The following TIMM44 variants were observed in gnomAD, a reference collection of about 807,000 sequenced individuals.
The protein encoded by TIMM44 is translocase of inner mitochondrial membrane 44.
In TIMM44, 37 loss-of-function variants were observed where a neutral mutation model predicts 63.8. The observed-to-expected ratio is 0.58, with a 90% confidence interval of 0.45 to 0.76. The LOEUF (loss-of-function observed/expected upper bound fraction) is 0.76. TIMM44 is among the 30% of genes least tolerant of loss of function. TIMM44 has a pLI of 0.00. For missense variants in TIMM44, 573 were observed against 603.8 expected (o/e 0.95, Z 0.54); for synonymous variants, 239 against 245.1 (o/e 0.98, Z 0.23).
chr19:7,931,071 T>G, intron 10 of TIMM44, 67 bp downstream of exon 10: 2 of 1,508,978 alleles, frequency 1.3e-6, no homozygotes, highest in Non-Finnish European at 1.8e-6. Flanking sequence ...GCCACCGAAG[T>G]GGAACTTCTC....
chr19:7,927,414 G>A (rs1156557774), intron 12 of TIMM44, 108 bp from the exon 13 acceptor site: 6 of 1,399,632 alleles, frequency 4.3e-6, no homozygotes, highest in Non-Finnish European at 6.0e-6. Flanking sequence ...ACTTCCCCAG[G>A]GGCTGGGAGC....
rs1442953330 is a variant in TIMM44 at position 7,927,231 on chromosome 19, G to A, written c.1315C>T (p.Arg439Trp). ...QDELNPYAAW[R>W]LLDISASSTE... ...CTGGAGGCCGAGATGTCCAGGAGCCGCCAGGCCGCGTAGGGGTTGAGCTCG... is the reference window on the plus strand; with the variant it reads ...CTGGAGGCCGAGATGTCCAGGAGCCACCAGGCCGCGTAGGGGTTGAGCTCG... Residue 439 changes from arginine (R) to tryptophan (W), a missense_variant, in exon 13 of 13, where the codon CGG becomes TGG. Arg to Trp is a moderately radical substitution (Grantham distance 101). Coordinates refer to ENST00000270538, the MANE Select transcript of TIMM44 (RefSeq NM_006351.4). 3 of 1,612,002 alleles carry A rather than the reference G, an allele frequency of 1.9e-6. No homozygotes were observed. Among genetic ancestry groups the A allele is most frequent in the South Asian group, 1.1e-5 (1 of 91,066 alleles).
At position 7,928,082 on chromosome 19, in the gene TIMM44, C is replaced by T. The variant is rs1013292791; in HGVS notation, c.1123G>A (p.Val375Ile). The change falls in exon 11 of 13, where the codon GTC becomes ATC. Residue 375 changes from valine to isoleucine, a missense_variant. Physicochemically the swap from Val to Ile is conservative, Grantham distance 29. Transcript: ENST00000270538. ...CCCCACTGCGAGGTGCTTACGTCGA[C>T]GTTGTCAATGTCTAGGATGCGAGAA... ...FHSRILDIDN[V>I]DLAMGKMMEQ... is the part of the protein sequence containing the mutation. 33 of 1,613,700 alleles carry T rather than the reference C, an allele frequency of 2.0e-5. No individual in the cohort carries two copies. The highest frequency in any genetic ancestry group is 2.5e-5 in the Non-Finnish European group (30 of 1,179,848).
In TIMM44 at chr19:7,934,076, G is replaced by A; in HGVS notation, c.543+13C>T. On this transcript the variant is annotated intron_variant, in intron 5 of 12. Transcript: ENST00000270538. This position sits in a 1 kb window ranked among gnomAD's most constrained non-coding sequence, Gnocchi z 5.3. ...GCCCCAGGCTGCATGCCCTAGCCCA[G>A]GACTGGGCTCACCTGGGAGAGGGCT... The A allele has an allele frequency of 6.2e-7, 1 of 1,613,346 alleles. No individual in the cohort carries two copies.
intron 9 of TIMM44, 59 bp downstream of exon 9, chr19:7,932,568 G>A (rs199513435): frequency 2.3e-5 from 36 of 1,595,782 alleles, no homozygotes; most frequent in African/African-American, 4.0e-5. Flanking sequence ...GCTGCGGCGG[G>A]GGAGGTGGTG....
chr19:7,932,608 C>T lies in TIMM44; in HGVS notation c.987+19G>A. 1.2e-6 allele frequency: 2 copies of T among 1,612,336 alleles called. No homozygotes were observed. Among genetic ancestry groups the T allele is most frequent in the Non-Finnish European group, 1.7e-6 (2 of 1,179,942 alleles). ...CAGGACCTGCCGCCTGGGAGGGGTC[C>T]TGGGGGTGTGGCACCCACCTCCAGG... On this transcript the variant is annotated intron_variant, in intron 9 of 12. Coordinates refer to ENST00000270538, the MANE Select transcript of TIMM44 (RefSeq NM_006351.4).
rs1984366551 is a variant in TIMM44, at chr19:7,943,508, C to G, written c.45+99G>C. ...CCCCAAGCTTTCTAAGGAGCCCAAG[C>G]AAGGGTCGCGAAGGCCAAGGGTCTG... On this transcript the variant is annotated intron_variant, in intron 1 of 12. Coordinates refer to ENST00000270538, the MANE Select transcript of TIMM44 (RefSeq NM_006351.4). The surrounding 1 kb of genome is among the most constrained non-coding windows in gnomAD (Gnocchi z 4.3). 7.3e-7 allele frequency: 1 copy of G among 1,379,084 alleles called. No individual in the cohort carries two copies. The highest frequency in any genetic ancestry group is 1.2e-5 in the South Asian group (1 of 80,478). The allele number at this position is 1,379,084 out of a possible 1,614,324, so 85.4% of individuals were successfully genotyped here.
intron 9 of TIMM44, 82 bp downstream of exon 9, chr19:7,932,545 A>G: frequency 6.3e-7 from 1 of 1,583,002 alleles, no homozygotes; most frequent in Non-Finnish European, 8.6e-7. Context: ...CCCTGGCAGC[A>G]CCCAGGGTGC....
chr19:7,932,538 T>C lies in TIMM44; in HGVS notation c.987+89A>G, dbSNP rs961416778. The C allele has an allele frequency of 6.4e-6, 10 of 1,570,878 alleles. No homozygotes were observed. The African/African-American group carries it at 1.1e-4, about 17-fold the overall frequency. The stretch of plus-strand genomic sequence containing the variant: ...AAACAGCCTCGGCAGCAGAGTTCCC[T>C]GGCAGCACCCAGGGTGCCGGCTGCG... On this transcript the variant is annotated intron_variant, in intron 9 of 12. Coordinates refer to ENST00000270538, the MANE Select transcript of TIMM44 (RefSeq NM_006351.4).
chr19:7,927,106 G>A lies in TIMM44; in HGVS notation c.*81C>T, dbSNP rs1983829079. On this transcript the variant is annotated 3_prime_UTR_variant, in exon 13 of 13. Coordinates refer to ENST00000270538, the MANE Select transcript of TIMM44 (RefSeq NM_006351.4). ...AGAGCCCGCAGTCTTGTTCCCAGAGGTCTGGAGTTGCCGCAGGTGGTGTTG... is the reference window on the plus strand; with the variant it reads ...AGAGCCCGCAGTCTTGTTCCCAGAGATCTGGAGTTGCCGCAGGTGGTGTTG... 3.9e-6 allele frequency: 6 copies of A among 1,531,514 alleles called. No homozygotes were observed. Among genetic ancestry groups the A allele is most frequent in the Middle Eastern group, 1.7e-4 (1 of 5,984 alleles). The allele number at this position is 1,531,514 out of a possible 1,614,324, so 94.9% of individuals were successfully genotyped here. A position where few individuals can be genotyped will look rare whatever the true frequency, so the allele number is the denominator to read the frequency against.
rs1222521570 is a variant in TIMM44, at chr19:7,943,634, C to G, written c.18G>C (p.Leu6=). ...GTGGACAGCGGCACCAGCCACTCCGCAGGGCCGCCGCCGCCATGTTGGAGA... is the reference window on the plus strand; with the variant it reads ...GTGGACAGCGGCACCAGCCACTCCGGAGGGCCGCCGCCGCCATGTTGGAGA... MAAAA[L]RSGWCRCPRR... is the part of the protein sequence containing the mutation. Residue 6 remains leucine, a synonymous_variant, in exon 1 of 13, where the codon CTG becomes CTC. Transcript: ENST00000270538. The surrounding 1 kb of genome is among the most constrained non-coding windows in gnomAD (Gnocchi z 4.3). 1.4e-5 allele frequency: 22 copies of G among 1,569,104 alleles called. No homozygotes were observed. The highest frequency in any genetic ancestry group is 1.9e-5 in the Non-Finnish European group (22 of 1,164,608).
chr19:7,929,143 G>C (rs1191453871), intron 10 of TIMM44, among the ~76,000 whole-genome samples: 1 of 152,108 alleles, frequency 6.6e-6, no homozygotes, highest in Non-Finnish European at 1.5e-5. Context: ...GTCGGGGAGC[G>C]AATAGGGTGA....
Position 7,933,538 on chromosome 19 carries a change from G to C in TIMM44, c.716C>G (p.Ser239Cys). 2.5e-6 allele frequency: 4 copies of C among 1,614,062 alleles called. No homozygotes were observed. The highest frequency in any genetic ancestry group is 3.4e-6 in the Non-Finnish European group (4 of 1,180,000). The stretch of plus-strand genomic sequence containing the variant: ...GTCCTTCCACTGCTGGTACCACTTG[G>C]AGTCCTTGTGCAGCACGACCCCCAG... ...EALGVVLHKD[S>C]KWYQQWKDFK... Residue 239 changes from serine to cysteine, a missense_variant, in exon 7 of 13, where the codon TCC becomes TGC. Ser to Cys is a moderately radical substitution (Grantham distance 112). Coordinates refer to ENST00000270538, the MANE Select transcript of TIMM44 (RefSeq NM_006351.4). The surrounding 1 kb of genome is among the most constrained non-coding windows in gnomAD (Gnocchi z 4.3).
intron 2 of TIMM44, among the ~76,000 whole-genome samples, chr19:7,940,421 T>C (rs1383376260): frequency 3.3e-5 from 5 of 151,600 alleles, no homozygotes; most frequent in Admixed American, 3.3e-4. Context: ...CTACAAACCA[T>C]GGGAGTGAGT....
rs1000884394 is a variant in TIMM44, at chr19:7,943,441, C to A, written c.45+166G>T. The stretch of plus-strand genomic sequence containing the variant: ...GCTCGGTCCCCGCCCTCAGGCCACG[C>A]TCTGTGCCCCCTGTCCTGGCCTCTG... On this transcript the variant is annotated intron_variant, in intron 1 of 12. Transcript: ENST00000270538. This position sits in a 1 kb window ranked among gnomAD's most constrained non-coding sequence, Gnocchi z 4.3. Among the ~76,000 whole-genome samples the A allele has an allele frequency of 1.3e-5, 2 of 152,230 alleles. No individual in the cohort carries two copies. The highest frequency in any genetic ancestry group is 2.4e-5 in the African/African-American group (1 of 41,470).
Position 7,943,558 on chromosome 19 carries a change from G to GC in TIMM44, c.45+48dup, listed in dbSNP as rs769259904. 4 of 1,555,030 alleles carry GC rather than the reference G, an allele frequency of 2.6e-6. No individual in the cohort carries two copies. In the African/African-American group the frequency reaches 4.1e-5, roughly 16 times the overall value. On this transcript the variant is annotated intron_variant, in intron 1 of 12. Transcript: ENST00000270538. The surrounding 1 kb of genome is among the most constrained non-coding windows in gnomAD (Gnocchi z 4.3). ...GAGAAGAAAGCCTTGGTGGCCGAAG[G>GC]CCCAGAAGACCCCTAAGCTCGCCCT... is the stretch of plus-strand genomic sequence containing the variant.
At chr19:7,929,285 G>A (rs1001911361) in intron 10 of TIMM44, among the ~76,000 whole-genome samples, 1 of 152,174 alleles carries the variant, frequency 6.6e-6, no homozygotes, top group African/African-American at 2.4e-5. Flanking sequence ...GGTGGCCCCC[G>A]AACCCCAAGC....
intron 1 of TIMM44, among the ~76,000 whole-genome samples, chr19:7,942,102 A>G (rs1434790462): frequency 6.6e-6 from 1 of 152,136 alleles, no homozygotes; most frequent in Non-Finnish European, 1.5e-5. Flanking sequence ...TAATCCCAAC[A>G]CGTTGGGAGG....
At position 7,941,120 on chromosome 19, in the gene TIMM44, C is replaced by T. The variant is rs758393059; in HGVS notation, c.123G>A (p.Pro41=). The T allele has an allele frequency of 3.7e-5, 60 of 1,614,032 alleles. No individual in the cohort carries two copies. Among genetic ancestry groups the T allele is most frequent in the South Asian group, 1.1e-4 (10 of 91,074 alleles). Reference sequence around the variant, plus strand: ...CACTCACCAGTGGCAGCTCTCCGCCCGGCCGGCGCATCTGATAGGTCGACC... The same window carrying T: ...CACTCACCAGTGGCAGCTCTCCGCCTGGCCGGCGCATCTGATAGGTCGACC... ...PHGSTYQMRR[P]GGELPLSKSY... The change falls in exon 2 of 13, where the codon CCG becomes CCA. Residue 41 remains proline, a synonymous_variant. Transcript: ENST00000270538.
Sources: allele counts gnomAD v4.1 joint callset (sites outside exome capture counted in the v4.1 genomes callset), GRCh38; gene constraint gnomAD v4.1.1; non-coding constraint Gnocchi (gnomAD v3.1); transcripts MANE v1.5; gene names NCBI Gene and HGNC (gene_info 2026-07-23, HGNC 2026-07-21).